Variants in ABCB5 observed in about 807,000 individuals in gnomAD.
ABCB5 encodes the protein ATP-binding cassette sub-family B member 5.
In ABCB5, 155 loss-of-function variants were observed where a neutral mutation model predicts 144.2. That is an observed-to-expected ratio of 1.08 (90% CI 0.94 to 1.23). ABCB5 has a LOEUF of 1.23. ABCB5 is among the 50% of genes most tolerant of loss of function. The pLI, the probability that ABCB5 is intolerant of heterozygous loss-of-function variation, is 0.00. For synonymous variants in ABCB5, 610 were observed against 528.6 expected, an observed-to-expected ratio of 1.15 and a Z score of -2.11; for missense variants, 1,830 against 1,520.8, an observed-to-expected ratio of 1.20 and a Z score of -3.38.
In ABCB5 at chr7:20,756,141, C is replaced by T. The variant is rs1452392422; in HGVS notation, c.*517C>T. 6.5e-6 allele frequency: 1 copy of T among 152,820 alleles called. No individual in the cohort carries two copies. The highest frequency in any genetic ancestry group is 2.1e-4 in the South Asian group (1 of 4,854). 9.5% of individuals were successfully genotyped at this position (152,820 alleles called of 1,614,324 possible). A position where few individuals can be genotyped will look rare whatever the true frequency, so the allele number is the denominator to read the frequency against. ...CTCTCAATAAGTATTCACTATTTCT[C>T]TAAATTTTATTCTATTTTTTTGTTG... On this transcript the variant is annotated 3_prime_UTR_variant, in exon 28 of 28. Coordinates refer to ENST00000404938, the MANE Select transcript of ABCB5 (RefSeq NM_001163941.2).
At chr7:20,660,522 G>C in intron 14 of ABCB5, 1 of 625,326 alleles carries the variant, frequency 1.6e-6, no homozygotes, top group Non-Finnish European at 2.0e-6. Flanking sequence ...TTATGGAGAA[G>C]GGGAGAGTTC....
At chr7:20,690,435 T>C (rs1786180402) in intron 16 of ABCB5, among the ~76,000 whole-genome samples, 1 of 152,234 alleles carries the variant, frequency 6.6e-6, no homozygotes, top group Admixed American at 6.5e-5. Context: ...TCATTTAGTA[T>C]ATTTACACAT....
intron 13 of ABCB5, among the ~76,000 whole-genome samples, chr7:20,654,849 A>G (rs1784720293): frequency 6.6e-6 from 1 of 152,142 alleles, no homozygotes; most frequent in Non-Finnish European, 1.5e-5. Flanking sequence ...AACTTATAGT[A>G]TTTAATGCTT....
chr7:20,740,134 G>A (rs1782516391), intron 24 of ABCB5, among the ~76,000 whole-genome samples: 1 of 152,176 alleles, frequency 6.6e-6, no homozygotes, highest in Non-Finnish European at 1.5e-5. Flanking sequence ...CAGCTACTCG[G>A]GAGGGCGAGA....
At chr7:20,659,664 A>T in intron 14 of ABCB5, 1 of 987,890 alleles carries the variant, frequency 1.0e-6, no homozygotes, top group Non-Finnish European at 1.2e-6. Flanking sequence ...ATACAAAGAC[A>T]GGACTAATAT....
At chr7:20,681,865 G>T (rs778357285) in intron 15 of ABCB5, among the ~76,000 whole-genome samples, 199 bp downstream of exon 15, 2 of 152,110 alleles carry the variant, frequency 1.3e-5, no homozygotes, top group Non-Finnish European at 2.9e-5. Flanking sequence ...AAGAACTAAT[G>T]GGTACCTGGT....
intron 20 of ABCB5, among the ~76,000 whole-genome samples, chr7:20,717,936 C>G (rs1428241329): frequency 1.8e-5 from 2 of 113,552 alleles, no homozygotes; most frequent in East Asian, 5.4e-4. Flanking sequence ...GAGCCTCGCT[C>G]TGTCGCCCAG....
At chr7:20,710,381 A>AAAAAG (rs1242291728) in intron 20 of ABCB5, among the ~76,000 whole-genome samples, 1 of 56,730 alleles carries the variant, frequency 1.8e-5, no homozygotes, top group Non-Finnish European at 3.1e-5. Context: ...AAAAAAAAAA[A>AAAAAG]GTGGGGGGGG....
intron 20 of ABCB5, among the ~76,000 whole-genome samples, chr7:20,707,246 C>T (rs561266771): frequency 1.3e-5 from 2 of 152,150 alleles, no homozygotes; most frequent in East Asian, 3.9e-4. Context: ...AGTTTGAAAC[C>T]TTTAACTCAT....
chr7:20,633,254 TGTG>T (rs1562529768), intron 5 of ABCB5, among the ~76,000 whole-genome samples: 5 of 152,160 alleles, frequency 3.3e-5, no homozygotes, highest in African/African-American at 9.6e-5. Context: ...TATTAAACAG[TGTG>T]ATTTATTTAC....
intron 14 of ABCB5, 63 bp downstream of exon 14, chr7:20,658,739 G>T: frequency 6.4e-7 from 1 of 1,564,330 alleles, no homozygotes; most frequent in Non-Finnish European, 8.7e-7. Context: ...TGAAGTACAA[G>T]AAAGTATAGA....
At chr7:20,703,367 T>C (rs1008260140) in intron 19 of ABCB5, among the ~76,000 whole-genome samples, 3 of 152,240 alleles carry the variant, frequency 2.0e-5, no homozygotes, top group African/African-American at 4.8e-5. Flanking sequence ...AAGTGGCTAC[T>C]GTCCGGTGCA....
At chr7:20,727,719 G>A (rs535640469) in intron 22 of ABCB5, among the ~76,000 whole-genome samples, 6 of 152,256 alleles carry the variant, frequency 3.9e-5, no homozygotes, top group South Asian at 2.1e-4. Context: ...CAGCCTAGGC[G>A]ACACAGCAAG....
intron 23 of ABCB5, among the ~76,000 whole-genome samples, chr7:20,735,488 A>C (rs368323262): frequency 1.6e-4 from 24 of 152,242 alleles, no homozygotes; most frequent in African/African-American, 5.5e-4. Context: ...CACTGGTTAC[A>C]CAAAACAAAG....
chr7:20,639,664 G>C (rs1230760918), intron 5 of ABCB5, among the ~76,000 whole-genome samples: 1 of 152,180 alleles, frequency 6.6e-6, no homozygotes, highest in Non-Finnish European at 1.5e-5. Context: ...ATAAATGTAG[G>C]AGTCCGTTTC....
chr7:20,681,766 C>A, intron 15 of ABCB5, 100 bp downstream of exon 15: 1 of 1,359,474 alleles, frequency 7.4e-7, no homozygotes, highest in Non-Finnish European at 9.9e-7. Flanking sequence ...TCTTAAATTT[C>A]AAAAAGCAAC....
At chr7:20,693,532 C>T (rs1014214891) in intron 16 of ABCB5, among the ~76,000 whole-genome samples, 3 of 151,986 alleles carry the variant, frequency 2.0e-5, no homozygotes, top group Non-Finnish European at 2.9e-5. Context: ...AAAAGAGAAA[C>T]TCAAAAGTGT....
At chr7:20,741,635 A>G (rs191381469) in intron 24 of ABCB5, among the ~76,000 whole-genome samples, 511 of 152,222 alleles carry the variant, frequency 3.4e-3, no homozygotes, top group African/African-American at 0.012. Flanking sequence ...ACAAGAAAAT[A>G]ATATCATAAA....
rs947227725 is a variant in ABCB5, at chr7:20,699,664, A to T, written c.2155-161A>T. On this transcript the variant is annotated intron_variant, in intron 17 of 27. Transcript: ENST00000404938. ...TGCATTGAGCCAAGACTGAGATCGC[A>T]ACACTGCACTCCAGCCTGGGCGACA... Among the ~76,000 whole-genome samples, 17 of 152,216 alleles carry T rather than the reference A, an allele frequency of 1.1e-4. No homozygotes were observed. The East Asian group carries it at 3.1e-3, about 28-fold the overall frequency.
Sources: allele counts gnomAD v4.1 joint callset (sites outside exome capture counted in the v4.1 genomes callset), GRCh38; gene constraint gnomAD v4.1.1; transcripts MANE v1.5; gene names NCBI Gene and HGNC (gene_info 2026-07-23, HGNC 2026-07-21).